Variants in LAMA1 observed in about 807,000 individuals in gnomAD.
LAMA1 encodes the protein laminin subunit alpha-1.
LAMA1 carries 219 observed loss-of-function variants against 348.7 expected under a neutral mutation model. The observed-to-expected ratio is 0.63, with a 90% CI of 0.56 to 0.70. The LOEUF is 0.70. Among genes scored for constraint, LAMA1 ranks in the 30% least tolerant of loss-of-function variants. The pLI, the probability that LAMA1 is intolerant of heterozygous loss-of-function variation, is 0.00. For missense variants in LAMA1, 3,744 were observed against 3,888.0 expected (o/e 0.96, Z 0.99); for synonymous variants, 1,487 against 1,491.0 (o/e 1.00, Z 0.06).
chr18:7,093,384 C>A (rs1230054029), intron 1 of LAMA1, among the ~76,000 whole-genome samples: 2 of 152,072 alleles, frequency 1.3e-5, no homozygotes, highest in Admixed American at 1.3e-4. Flanking sequence ...CCACTGCACT[C>A]CAGCCTGGGC....
chr18:7,080,122 C>G, intron 2 of LAMA1, 35 bp from the exon 3 acceptor site: 1 of 1,578,532 alleles, frequency 6.3e-7, no homozygotes, highest in Non-Finnish European at 8.7e-7. Context: ...GAATTCCTCT[C>G]GGCTGTTGCT....
chr18:7,079,622 G>A (rs2058184580), intron 3 of LAMA1: 1 of 356,460 alleles, frequency 2.8e-6, no homozygotes, highest in Non-Finnish European at 5.4e-6. Context: ...TAAGCTAAAA[G>A]TTAGGAAATA....
chr18:7,034,599 T>C lies in LAMA1; in HGVS notation c.1931A>G (p.Asn644Ser), dbSNP rs966507367. The C allele has an allele frequency of 6.2e-7, 1 of 1,614,114 alleles. No homozygotes were observed. Among genetic ancestry groups the C allele is most frequent in the Non-Finnish European group, 8.5e-7 (1 of 1,180,020 alleles). ...CCTTTTGCTGTGAAAATCTTGGAAG[T>C]TTTCAGGCACAAGTCTAACCACGTT... Reference protein sequence around the residue: ...YLNVVRLVPENFQDFHSKRQI... With the variant: ...YLNVVRLVPESFQDFHSKRQI... Residue 644 changes from asparagine to serine, a missense_variant, in exon 14 of 63, where the codon AAC (asparagine) becomes AGC (serine). By Grantham distance (46) the Asn-to-Ser change is conservative (BLOSUM62 1). This residue lies in a region of LAMA1 where 1,529 missense variants were observed against 1,689.4 expected (regional missense o/e 0.91). Transcript: ENST00000389658.
At chr18:7,053,816 TG>T (rs1218939480) in intron 3 of LAMA1, among the ~76,000 whole-genome samples, 1 of 150,772 alleles carries the variant, frequency 6.6e-6, no homozygotes, top group African/African-American at 2.5e-5. Flanking sequence ...GGTCTCACTC[TG>T]TTGCCCAGGC....
At chr18:6,947,388 C>A in intron 60 of LAMA1, 92 bp from the exon 61 acceptor site, 2 of 1,481,746 alleles carry the variant, frequency 1.3e-6, no homozygotes, top group Non-Finnish European at 1.9e-6. Flanking sequence ...GGGGACCTGG[C>A]TCTAGCTCCT....
chr18:6,958,531 A>G lies in LAMA1; in HGVS notation c.7910T>C (p.Leu2637Pro). Residue 2637 changes from leucine (L) to proline (P), a missense_variant, in exon 55 of 63, where the codon CTC becomes CCC. Physicochemically the swap from Leu to Pro is moderately conservative, Grantham distance 98. Around this residue, in one of 3 missense-constraint regions of LAMA1, gnomAD observed 1,983 missense variants for 1,934.3 expected, o/e 1.03. Coordinates refer to ENST00000389658, the MANE Select transcript of LAMA1 (RefSeq NM_005559.4). Reference sequence around the variant, plus strand: ...GCCATGGAACGATCTTCTCATTGTGAGCAGTGACGTCCCCTCTCCCTCTGG... The same window carrying G: ...GCCATGGAACGATCTTCTCATTGTGGGCAGTGACGTCCCCTCTCCCTCTGG... Reference protein sequence around the residue: ...GIPEGEGTSLLTMRRSFHGCI... With the variant: ...GIPEGEGTSLPTMRRSFHGCI... 6.2e-7 allele frequency: 1 copy of G among 1,614,190 alleles called. No homozygotes were observed. The highest frequency in any genetic ancestry group is 8.5e-7 in the Non-Finnish European group (1 of 1,180,038).
At position 6,993,753 on chromosome 18, in the gene LAMA1, C is replaced by A; in HGVS notation, c.4897-1G>T. 6.4e-7 allele frequency: 1 copy of A among 1,573,758 alleles called. No individual in the cohort carries two copies. Among genetic ancestry groups the A allele is most frequent in the Non-Finnish European group, 8.7e-7 (1 of 1,143,098 alleles). ...GGGTACTCGCTAACATCCTAGTGAG[C>A]TGGTGGAAAAATAAAGTCTCAGGTT... On this transcript the variant is annotated splice_acceptor_variant, in intron 34 of 62. Coordinates refer to ENST00000389658, the MANE Select transcript of LAMA1 (RefSeq NM_005559.4). LOFTEE classifies it high-confidence loss of function.
At chr18:7,042,103 C>T (rs776963612) in intron 9 of LAMA1, 42 bp downstream of exon 9, 2 of 1,368,944 alleles carry the variant, frequency 1.5e-6, no homozygotes, top group East Asian at 2.4e-5. Context: ...TCCACACACA[C>T]ACAAAATCAA....
chr18:7,075,031 A>G (rs2058161866), intron 3 of LAMA1, among the ~76,000 whole-genome samples: 1 of 148,172 alleles, frequency 6.7e-6, no homozygotes, highest in Non-Finnish European at 1.5e-5. Flanking sequence ...GCTGTCATCA[A>G]TTAGAGAATC....
intron 32 of LAMA1, among the ~76,000 whole-genome samples, chr18:6,999,244 A>C (rs1291006804): frequency 1.3e-5 from 2 of 151,922 alleles, no homozygotes; most frequent in Admixed American, 6.6e-5. Context: ...CTATCTTAGA[A>C]CCTCCTGCCT....
At chr18:7,048,730 T>A (rs2058051429) in intron 5 of LAMA1, among the ~76,000 whole-genome samples, 1 of 152,242 alleles carries the variant, frequency 6.6e-6, no homozygotes, top group African/African-American at 2.4e-5. Context: ...ATGTAAATTA[T>A]GTCTCAAACT....
chr18:7,098,760 G>T (rs2058276385), intron 1 of LAMA1, among the ~76,000 whole-genome samples: 1 of 134,222 alleles, frequency 7.5e-6, no homozygotes, highest in Admixed American at 7.6e-5. Flanking sequence ...CCGTCCAGGA[G>T]GTGAGGGGCG....
chr18:6,951,045 C>A, intron 57 of LAMA1, 74 bp from the exon 58 acceptor site: 3 of 1,351,174 alleles, frequency 2.2e-6, no homozygotes, highest in Non-Finnish European at 3.1e-6. Context: ...AAAGAGGACC[C>A]AACAATTGTT....
chr18:7,010,305 A>C lies in LAMA1; in HGVS notation c.3768T>G (p.Pro1256=). ...TCCGACCACCTTTGATGAGAACTTGAGGCTCAAAATTGGAGGTGCCGACGC... is the reference window on the plus strand; with the variant it reads ...TCCGACCACCTTTGATGAGAACTTGCGGCTCAAAATTGGAGGTGCCGACGC... The part of the protein sequence containing the change: ...LDGVGTSNFE[P]QVLIKGGRIR... Residue 1256 remains proline, a synonymous_variant, in exon 26 of 63, where the codon CCT becomes CCG. Coordinates refer to ENST00000389658, the MANE Select transcript of LAMA1 (RefSeq NM_005559.4). 6.2e-7 allele frequency: 1 copy of C among 1,614,174 alleles called. No homozygotes were observed. Among genetic ancestry groups the C allele is most frequent in the Non-Finnish European group, 8.5e-7 (1 of 1,180,038 alleles).
chr18:6,973,367 A>G (rs528497161), intron 46 of LAMA1, among the ~76,000 whole-genome samples, 160 bp from the exon 47 acceptor site: 6 of 152,214 alleles, frequency 3.9e-5, no homozygotes, highest in African/African-American at 1.2e-4. Context: ...ACTGCCCGAA[A>G]TCTTCAAGAG....
At chr18:7,098,854 GC>G (rs1163640163) in intron 1 of LAMA1, among the ~76,000 whole-genome samples, 1 of 130,132 alleles carries the variant, frequency 7.7e-6, no homozygotes, top group Non-Finnish European at 1.7e-5. Flanking sequence ...GGGGGGGTCA[GC>G]CCCCCGCCCG....
intron 3 of LAMA1, among the ~76,000 whole-genome samples, chr18:7,066,015 T>G (rs2058121511): frequency 1.3e-5 from 2 of 152,278 alleles, no homozygotes; most frequent in Middle Eastern, 3.4e-3. Context: ...CTACCTTCAG[T>G]GCACTTTGGC....
intron 1 of LAMA1, among the ~76,000 whole-genome samples, chr18:7,102,317 T>C (rs929057017): frequency 1.3e-5 from 2 of 152,172 alleles, no homozygotes; most frequent in Non-Finnish European, 2.9e-5. Flanking sequence ...CTTTGTTCTG[T>C]TCCTGAGAGG....
At position 6,949,084 on chromosome 18, in the gene LAMA1, TGGA is replaced by T; in HGVS notation, c.8556+14_8556+16del. Reference sequence around the variant, plus strand: ...ACACAACGAAGGTAAAATGTCAGTATGGAAAATGCTGCTTACATTTCCAATTTT... The same window carrying T: ...ACACAACGAAGGTAAAATGTCAGTATAAATGCTGCTTACATTTCCAATTTT... On this transcript the variant is annotated intron_variant, in intron 59 of 62. Transcript: ENST00000389658. 6.2e-7 allele frequency: 1 copy of T among 1,614,154 alleles called. No individual in the cohort carries two copies. The highest frequency in any genetic ancestry group is 8.5e-7 in the Non-Finnish European group (1 of 1,180,034).
Sources: gnomAD v4.1 joint callset for allele counts (sites outside exome capture counted in the v4.1 genomes callset) on GRCh38, gnomAD v4.1.1 for gene constraint, gnomAD v4.1.1 regional missense constraint, MANE v1.5 for transcripts, NCBI Gene and HGNC (gene_info 2026-07-23, HGNC 2026-07-21) for gene names.